The following PRKG1 variants were observed in gnomAD, a reference collection of about 807,000 sequenced individuals.
PRKG1 encodes the protein protein kinase cGMP-dependent 1.
A neutral mutation model predicts 88.1 loss-of-function variants in PRKG1; 35 were observed. That is an observed-to-expected ratio of 0.40 (90% CI 0.30 to 0.53). The LOEUF (loss-of-function observed/expected upper bound fraction) is 0.53. Among genes scored for constraint, PRKG1 ranks in the 20% least tolerant of loss-of-function variants. The pLI is 0.59. For synonymous variants in PRKG1, 303 were observed against 292.5 expected (o/e 1.04, Z -0.37); for missense variants, 540 against 839.8 (o/e 0.64, Z 4.41).
intron 9 of PRKG1, among the ~76,000 whole-genome samples, chr10:52,204,870 C>T (rs1487573425): frequency 6.6e-6 from 1 of 152,146 alleles, no homozygotes; most frequent in Non-Finnish European, 1.5e-5. Flanking sequence ...AGTCTGGCTG[C>T]CCGTTGGCTG....
intron 1 of PRKG1, among the ~76,000 whole-genome samples, chr10:50,994,625 G>A (rs994568814): frequency 6.6e-6 from 1 of 151,898 alleles, no homozygotes; most frequent in Non-Finnish European, 1.5e-5. Context: ...CAAAGCTTGT[G>A]TTCAGTTATG....
chr10:51,643,771 AAAAAC>A (rs941191272), intron 3 of PRKG1, among the ~76,000 whole-genome samples: 2 of 152,206 alleles, frequency 1.3e-5, no homozygotes, highest in African/African-American at 2.4e-5. Flanking sequence ...TGCTGCTGAC[AAAAAC>A]AAAACAAAAC....
At chr10:52,031,556 A>G (rs1023376775) in intron 5 of PRKG1, among the ~76,000 whole-genome samples, 4 of 152,222 alleles carry the variant, frequency 2.6e-5, no homozygotes, top group Admixed American at 2.6e-4. Flanking sequence ...ACAATGCATT[A>G]CACTGTCATG....
At chr10:51,823,857 T>C (rs9664962) in intron 4 of PRKG1, among the ~76,000 whole-genome samples, 3 of 144,324 alleles carry the variant, frequency 2.1e-5, no homozygotes, top group Admixed American at 7.0e-5. Context: ...GAATTTTTTT[T>C]TCTCTCTCCT....
intron 3 of PRKG1, among the ~76,000 whole-genome samples, chr10:51,481,653 G>C (rs1359045298): frequency 6.6e-6 from 1 of 151,894 alleles, no homozygotes; most frequent in East Asian, 1.9e-4. Context: ...ACTCATTATT[G>C]GCGTAATTCT....
intron 3 of PRKG1, among the ~76,000 whole-genome samples, chr10:51,632,237 A>G (rs1358614063): frequency 1.3e-5 from 2 of 152,154 alleles, no homozygotes; most frequent in African/African-American, 4.8e-5. Context: ...AGCAGATTAG[A>G]AAACAGTAAA....
chr10:51,378,351 A>G (rs1010543786), intron 2 of PRKG1, among the ~76,000 whole-genome samples: 4 of 152,174 alleles, frequency 2.6e-5, no homozygotes, highest in African/African-American at 4.8e-5. Context: ...CATAACACAG[A>G]TTGGAAATGG....
chr10:52,170,551 C>G (rs1295710837), intron 9 of PRKG1, among the ~76,000 whole-genome samples: 1 of 152,148 alleles, frequency 6.6e-6, no homozygotes, highest in African/African-American at 2.4e-5. Context: ...CACAATCACC[C>G]CCCTCTCCAC....
At chr10:51,774,682 ATT>A (rs1838390107) in intron 3 of PRKG1, among the ~76,000 whole-genome samples, 1 of 152,116 alleles carries the variant, frequency 6.6e-6, no homozygotes. Flanking sequence ...ATTCATTCTT[ATT>A]TTAAGCAGTT....
At chr10:51,973,882 G>T (rs572760631) in intron 5 of PRKG1, among the ~76,000 whole-genome samples, 1 of 152,124 alleles carries the variant, frequency 6.6e-6, no homozygotes, top group South Asian at 2.1e-4. Context: ...GTTTTGTATG[G>T]CCCAGGAGCT....
At chr10:51,812,424 A>G (rs1052632820) in intron 4 of PRKG1, among the ~76,000 whole-genome samples, 3 of 152,142 alleles carry the variant, frequency 2.0e-5, no homozygotes, top group Admixed American at 1.3e-4. Flanking sequence ...TGCATGGGGA[A>G]GAATCGGGCC....
At chr10:51,140,041 C>T (rs764067563) in intron 1 of PRKG1, among the ~76,000 whole-genome samples, 1 of 152,186 alleles carries the variant, frequency 6.6e-6, no homozygotes, top group Non-Finnish European at 1.5e-5. Flanking sequence ...CAGCTTCCTT[C>T]TCCAAACTAG....
intron 1 of PRKG1, among the ~76,000 whole-genome samples, chr10:51,141,794 A>C (rs1023209121): frequency 1.3e-5 from 2 of 152,138 alleles, no homozygotes; most frequent in African/African-American, 4.8e-5. Flanking sequence ...AACATGCTTT[A>C]AGGTTACAAA....
chr10:51,065,280 C>A (rs1843735997), intron 1 of PRKG1, among the ~76,000 whole-genome samples: 1 of 151,878 alleles, frequency 6.6e-6, no homozygotes, highest in Non-Finnish European at 1.5e-5. Flanking sequence ...CATAAAAGAG[C>A]ACTGTACCTT....
chr10:51,745,714 T>A (rs977816075), intron 3 of PRKG1, among the ~76,000 whole-genome samples: 1 of 152,078 alleles, frequency 6.6e-6, no homozygotes, highest in Non-Finnish European at 1.5e-5. Context: ...TTTTCCTAGC[T>A]AAAAAAAGTC....
At chr10:51,846,484 T>C (rs1840401733) in intron 4 of PRKG1, among the ~76,000 whole-genome samples, 1 of 152,020 alleles carries the variant, frequency 6.6e-6, no homozygotes, top group African/African-American at 2.4e-5. Flanking sequence ...GTGGCAGAGG[T>C]TCTACTAAAT....
At chr10:51,781,258 T>A (rs1210390568) in intron 3 of PRKG1, among the ~76,000 whole-genome samples, 3 of 152,188 alleles carry the variant, frequency 2.0e-5, no homozygotes, top group Non-Finnish European at 4.4e-5. Context: ...ATCATTTCAA[T>A]CATCAAATGT....
chr10:51,285,165 G>A (rs979555767), intron 2 of PRKG1, among the ~76,000 whole-genome samples: 12 of 150,374 alleles, frequency 8.0e-5, no homozygotes, highest in African/African-American at 2.7e-4. Context: ...TTGTTCTTGC[G>A]ATAGTTTACT....
At chr10:51,017,394 T>C (rs891636329) in intron 1 of PRKG1, among the ~76,000 whole-genome samples, 2 of 152,210 alleles carry the variant, frequency 1.3e-5, no homozygotes, top group Non-Finnish European at 2.9e-5. Context: ...TTAGTGTACC[T>C]GCCACAGAGA....
Sources: allele counts gnomAD v4.1 joint callset (sites outside exome capture counted in the v4.1 genomes callset), GRCh38; gene constraint gnomAD v4.1.1; transcripts MANE v1.5; gene names NCBI Gene and HGNC (gene_info 2026-07-23, HGNC 2026-07-21).